Variants in SEMA5A observed in about 807,000 individuals in gnomAD.
SEMA5A encodes the protein semaphorin 5A.
A neutral mutation model predicts 135.5 loss-of-function variants in SEMA5A; 55 were observed. That is an observed-to-expected ratio of 0.41 (90% CI 0.33 to 0.51). The LOEUF is 0.51. Ranked by LOEUF, SEMA5A falls within the 20% of genes least tolerant of loss-of-function variation. SEMA5A has a pLI of 0.37. For missense variants in SEMA5A, 1,290 were observed against 1,419.9 expected, an observed-to-expected ratio of 0.91 and a Z score of 1.47; for synonymous variants, 580 against 546.5, an observed-to-expected ratio of 1.06 and a Z score of -0.85.
At chr5:9,367,710 G>T (rs553610058) in intron 3 of SEMA5A, among the ~76,000 whole-genome samples, 1 of 152,282 alleles carries the variant, frequency 6.6e-6, no homozygotes, top group East Asian at 1.9e-4. Context: ...GATATAGTCT[G>T]GTTGTTTCTT....
At chr5:9,123,568 C>G (rs1296534520) in intron 13 of SEMA5A, among the ~76,000 whole-genome samples, 2 of 152,018 alleles carry the variant, frequency 1.3e-5, no homozygotes, top group African/African-American at 4.8e-5. Flanking sequence ...AAATTGTCCA[C>G]TAATTTGGAA....
chr5:9,095,125 T>G (rs1739246315), intron 16 of SEMA5A, among the ~76,000 whole-genome samples: 1 of 152,122 alleles, frequency 6.6e-6, no homozygotes, highest in Non-Finnish European at 1.5e-5. Context: ...TCTTTAGAAA[T>G]ATTAACAAAC....
chr5:9,520,213 A>G (rs950576065), intron 1 of SEMA5A, among the ~76,000 whole-genome samples: 10 of 152,182 alleles, frequency 6.6e-5, no homozygotes, highest in Admixed American at 6.5e-4. Context: ...AACATTTCCT[A>G]AGCACCTACT....
intron 15 of SEMA5A, among the ~76,000 whole-genome samples, chr5:9,109,028 A>ATTTCTTTTT (rs1740085737): frequency 1.1e-5 from 1 of 92,440 alleles, no homozygotes; most frequent in Non-Finnish European, 2.0e-5. Flanking sequence ...TTTCTCTTCA[A>ATTTCTTTTT]TTTTTTTTTT....
intron 11 of SEMA5A, among the ~76,000 whole-genome samples, chr5:9,175,684 C>T (rs148462915): frequency 2.0e-4 from 31 of 152,142 alleles, no homozygotes; most frequent in African/African-American, 5.8e-4. Context: ...GCACTTCAGC[C>T]AGGTCTGGAT....
At chr5:9,402,131 C>A (rs1254488138) in intron 2 of SEMA5A, among the ~76,000 whole-genome samples, 1 of 152,188 alleles carries the variant, frequency 6.6e-6, no homozygotes, top group Non-Finnish European at 1.5e-5. Context: ...AAAGGAGGAT[C>A]CACAGAACAT....
At chr5:9,334,379 T>C (rs1427081460) in intron 4 of SEMA5A, among the ~76,000 whole-genome samples, 2 of 152,230 alleles carry the variant, frequency 1.3e-5, no homozygotes, top group Non-Finnish European at 2.9e-5. Context: ...ATCTTACTCA[T>C]ATGCCCTCTC....
intron 1 of SEMA5A, among the ~76,000 whole-genome samples, chr5:9,524,242 C>T (rs1017602512): frequency 2.6e-5 from 4 of 152,286 alleles, no homozygotes; most frequent in East Asian, 1.9e-4. Context: ...CCCAGCCATG[C>T]GGAACTATGA....
At chr5:9,418,062 C>T (rs530362554) in intron 2 of SEMA5A, among the ~76,000 whole-genome samples, 8 of 151,884 alleles carry the variant, frequency 5.3e-5, no homozygotes, top group Admixed American at 3.9e-4. Context: ...CTGCAACCTC[C>T]GCCTCCCGGG....
intron 5 of SEMA5A, among the ~76,000 whole-genome samples, chr5:9,312,590 G>C (rs1752192803): frequency 6.6e-6 from 1 of 152,084 alleles, no homozygotes; most frequent in Non-Finnish European, 1.5e-5. Flanking sequence ...ATTTGTATGT[G>C]AATATTCATA....
chr5:9,057,027 GA>G (rs1736930298), intron 18 of SEMA5A, among the ~76,000 whole-genome samples: 1 of 152,192 alleles, frequency 6.6e-6, no homozygotes, highest in Non-Finnish European at 1.5e-5. Context: ...GCCAGACACT[GA>G]AAGACAAATA....
intron 5 of SEMA5A, among the ~76,000 whole-genome samples, chr5:9,256,398 C>G (rs532702611): frequency 6.6e-6 from 1 of 152,230 alleles, no homozygotes; most frequent in South Asian, 2.1e-4. Context: ...ACTGTTCCCT[C>G]TTCCAAACCT....
chr5:9,240,203 G>GA (rs948647903), intron 5 of SEMA5A, among the ~76,000 whole-genome samples: 17 of 151,624 alleles, frequency 1.1e-4, no homozygotes, highest in African/African-American at 2.4e-5. Flanking sequence ...TGATTAGAAA[G>GA]AAAAAAAATT....
chr5:9,508,580 T>C (rs1452210428), intron 1 of SEMA5A, among the ~76,000 whole-genome samples: 1 of 152,208 alleles, frequency 6.6e-6, no homozygotes, highest in Non-Finnish European at 1.5e-5. Context: ...CCTTTCAACA[T>C]GCAGCTCCCT....
intron 4 of SEMA5A, among the ~76,000 whole-genome samples, chr5:9,330,990 A>G (rs1026309278): frequency 5.9e-5 from 9 of 152,212 alleles, no homozygotes; most frequent in Admixed American, 5.9e-4. Flanking sequence ...ATCTCTTCCC[A>G]CAATGGGGTT....
chr5:9,480,575 A>C (rs1759838170), intron 1 of SEMA5A, among the ~76,000 whole-genome samples: 1 of 152,192 alleles, frequency 6.6e-6, no homozygotes, highest in East Asian at 1.9e-4. Flanking sequence ...CGCCATGTCT[A>C]TTCTTCAATT....
At chr5:9,097,500 A>G (rs1056277258) in intron 16 of SEMA5A, among the ~76,000 whole-genome samples, 1 of 152,198 alleles carries the variant, frequency 6.6e-6, no homozygotes, top group Admixed American at 6.5e-5. Context: ...TTTTTGTTCA[A>G]TTCTCTACTT....
intron 6 of SEMA5A, among the ~76,000 whole-genome samples, chr5:9,228,451 C>T (rs1747440202): frequency 6.6e-6 from 1 of 152,178 alleles, no homozygotes; most frequent in Non-Finnish European, 1.5e-5. Flanking sequence ...CACATAGAAG[C>T]CGAGGAGCCT....
intron 2 of SEMA5A, among the ~76,000 whole-genome samples, chr5:9,390,270 G>A (rs1027785822): frequency 6.6e-6 from 1 of 152,144 alleles, no homozygotes; most frequent in Non-Finnish European, 1.5e-5. Flanking sequence ...AAAAAAAGGG[G>A]GGTCCCCTGG....
Sources: allele counts gnomAD v4.1 joint callset (sites outside exome capture counted in the v4.1 genomes callset), GRCh38; gene constraint gnomAD v4.1.1; transcripts MANE v1.5; gene names NCBI Gene and HGNC (gene_info 2026-07-23, HGNC 2026-07-21).